The following SPAG9 variants were observed in gnomAD, a reference collection of about 807,000 sequenced individuals.
The protein encoded by SPAG9 is sperm associated antigen 9.
A neutral mutation model predicts 166.5 loss-of-function variants in SPAG9; 35 were observed. The observed-to-expected ratio is 0.21, with a 90% CI of 0.16 to 0.28. The LOEUF (loss-of-function observed/expected upper bound fraction) is 0.28, where lower values mean the gene tolerates loss of function less well. SPAG9 is among the 10% of genes least tolerant of loss of function. The pLI, the probability that SPAG9 is intolerant of heterozygous loss-of-function variation, is 1.00. For missense variants in SPAG9, 1,235 were observed against 1,603.3 expected, an observed-to-expected ratio of 0.77 and a Z score of 3.92; for synonymous variants, 534 against 565.5, an observed-to-expected ratio of 0.94 and a Z score of 0.79.
Position 50,966,072 on chromosome 17 carries a change from T to C in SPAG9, c.*200A>G. ...GTTCATAATATACTGAAGTTACCTA[T>C]AACACTGGTGCAGTAACACAGCTAG... On this transcript the variant is annotated 3_prime_UTR_variant, in exon 30 of 30. Coordinates refer to ENST00000262013, the MANE Select transcript of SPAG9 (RefSeq NM_001130528.3). 1 of 555,186 alleles carries C rather than the reference T, an allele frequency of 1.8e-6. No individual in the cohort carries two copies. Among genetic ancestry groups the C allele is most frequent in the East Asian group, 3.0e-5 (1 of 33,238 alleles). The allele number at this position is 555,186 out of a possible 1,614,324, so 34.4% of individuals were successfully genotyped here. A position where few individuals can be genotyped will look rare whatever the true frequency, so the allele number is the denominator to read the frequency against.
chr17:50,966,474 A>C, intron 29 of SPAG9, 87 bp from the exon 30 acceptor site: 1 of 841,030 alleles, frequency 1.2e-6, no homozygotes, highest in Non-Finnish European at 2.0e-6. Flanking sequence ...TGGTTAGTCC[A>C]TGAACAAGAT....
chr17:51,016,814 T>G (rs992703929), intron 8 of SPAG9, among the ~76,000 whole-genome samples: 1 of 152,142 alleles, frequency 6.6e-6, no homozygotes, highest in African/African-American at 2.4e-5. Flanking sequence ...GGCAGGAGAA[T>G]TGCTTGAACC....
chr17:50,970,791 A>T lies in SPAG9; in HGVS notation c.3766T>A (p.Ser1256Thr). ...TDLTGDKAGPSAQEPGSQTPL... is the reference protein window; with the variant it reads ...TDLTGDKAGPTAQEPGSQTPL... ...GTCTGACTACCAGGCTCCTGTGCAG[A>T]TGGCCCTGCTTTGTCACCCGTCAGA... Residue 1256 changes from serine to threonine, a missense_variant, in exon 29 of 30, where the codon TCT becomes ACT. Transcript: ENST00000262013. 1.2e-6 allele frequency: 2 copies of T among 1,614,084 alleles called. No individual in the cohort carries two copies. Among genetic ancestry groups the T allele is most frequent in the Non-Finnish European group, 1.7e-6 (2 of 1,179,988 alleles).
chr17:51,025,930 C>G (rs1428856321), intron 6 of SPAG9, among the ~76,000 whole-genome samples: 2 of 152,124 alleles, frequency 1.3e-5, no homozygotes, highest in Non-Finnish European at 2.9e-5. Flanking sequence ...AATAAACAGT[C>G]TGTATTTCTG....
At chr17:51,096,138 G>A (rs2048641869) in intron 1 of SPAG9, among the ~76,000 whole-genome samples, 1 of 149,974 alleles carries the variant, frequency 6.7e-6, no homozygotes, top group Admixed American at 6.7e-5. Flanking sequence ...TTGAGGTTAG[G>A]AGTTCGAGAC....
intron 2 of SPAG9, 48 bp downstream of exon 2, chr17:51,079,536 G>A (rs1337853162): frequency 4.4e-6 from 7 of 1,596,012 alleles, no homozygotes; most frequent in Non-Finnish European, 6.0e-6. Flanking sequence ...ACCACGTCTG[G>A]CCAAGCCCAA....
At position 51,047,464 on chromosome 17, in the gene SPAG9, G is replaced by A; in HGVS notation, c.501C>T (p.Ile167=). 6.7e-7 allele frequency: 1 copy of A among 1,490,622 alleles called. No homozygotes were observed. The highest frequency in any genetic ancestry group is 9.1e-7 in the Non-Finnish European group (1 of 1,093,620). The allele number at this position is 1,490,622 out of a possible 1,614,324, so 92.3% of individuals were successfully genotyped here. A position where few individuals can be genotyped will look rare whatever the true frequency, so the allele number is the denominator to read the frequency against. ...TTTCTAAATGTTCCATATAATTATG[G>A]ATCATCTATTTTAAAGAAAGAAAAA... The part of the protein sequence containing the change: ...NALHQRHTEM[I]HNYMEHLERT... Residue 167 remains isoleucine (I), a synonymous_variant, in exon 4 of 30, where the codon ATC becomes ATT. Coordinates refer to ENST00000262013, the MANE Select transcript of SPAG9 (RefSeq NM_001130528.3).
rs2046390060 is a variant in SPAG9 at position 51,031,703 on chromosome 17, G to A, written c.761C>T (p.Pro254Leu). 5 of 1,550,878 alleles carry A rather than the reference G, an allele frequency of 3.2e-6. No homozygotes were observed. Among genetic ancestry groups the A allele is most frequent in the Non-Finnish European group, 4.4e-6 (5 of 1,146,572 alleles). Residue 254 changes from proline to leucine, a missense_variant, in exon 6 of 30, where the codon CCT becomes CTT. Pro to Leu is a moderately conservative substitution (Grantham distance 98). Around this residue, in one of 6 missense-constraint regions of SPAG9, gnomAD observed 288 missense variants for 323.7 expected, o/e 0.89. Transcript: ENST00000262013. ...TSLKVSNSPE[P>L]QKAVEQEDEL... ...CACCTCCTGTTCTACAGCCTTCTGA[G>A]GTTCAGGACTATTGCTGACCTAGGA...
rs1332932396 is a variant in SPAG9 at position 50,996,709 on chromosome 17, G to C, written c.1839-15C>G. On this transcript the variant is annotated splice_polypyrimidine_tract_variant and intron_variant, in intron 15 of 29. Coordinates refer to ENST00000262013, the MANE Select transcript of SPAG9 (RefSeq NM_001130528.3). The stretch of plus-strand genomic sequence containing the variant: ...TAGCTTCAGTTCTAAAAGGAAAAAA[G>C]ATTTTCCTAATTACATGAATACGTT... The C allele has an allele frequency of 6.2e-7, 1 of 1,612,656 alleles. No homozygotes were observed. The highest frequency in any genetic ancestry group is 1.1e-5 in the South Asian group (1 of 90,938).
At chr17:50,968,024 A>G (rs1264155917) in intron 29 of SPAG9, among the ~76,000 whole-genome samples, 1 of 152,314 alleles carries the variant, frequency 6.6e-6, no homozygotes, top group Admixed American at 6.5e-5. Flanking sequence ...TACGGTTCCA[A>G]CTGACATACT....
At chr17:51,063,235 C>T (rs1183383628) in intron 2 of SPAG9, among the ~76,000 whole-genome samples, 1 of 151,584 alleles carries the variant, frequency 6.6e-6, no homozygotes, top group African/African-American at 2.4e-5. Context: ...ATGGCGAAAC[C>T]CCATCTCTAC....
intron 2 of SPAG9, 117 bp downstream of exon 2, chr17:51,079,467 G>A (rs1190115543): frequency 7.8e-6 from 7 of 900,528 alleles, no homozygotes; most frequent in Non-Finnish European, 1.0e-5. Flanking sequence ...TTGAACTCCT[G>A]AACCCAAGTG....
intron 1 of SPAG9, among the ~76,000 whole-genome samples, chr17:51,113,546 T>A (rs1364361714): frequency 6.7e-6 from 1 of 148,520 alleles, no homozygotes; most frequent in African/African-American, 2.5e-5. Flanking sequence ...GAGGTGTGGT[T>A]GTGAGCACCT....
At position 50,970,977 on chromosome 17, in the gene SPAG9, C is replaced by T. The variant is rs777268865; in HGVS notation, c.3701-121G>A. ...GTAAATATATTCTAATAACCAAATACTGGGGAAGCTAGAAGGCTCTGCATG... is the reference window on the plus strand; with the variant it reads ...GTAAATATATTCTAATAACCAAATATTGGGGAAGCTAGAAGGCTCTGCATG... On this transcript the variant is annotated intron_variant, in intron 28 of 29. Coordinates refer to ENST00000262013, the MANE Select transcript of SPAG9 (RefSeq NM_001130528.3). 7.8e-6 allele frequency: 6 copies of T among 769,622 alleles called. No homozygotes were observed. In the African/African-American group the frequency reaches 1.1e-4, roughly 14 times the overall value. 47.7% of individuals were successfully genotyped at this position (769,622 alleles called of 1,614,324 possible). A position where few individuals can be genotyped will look rare whatever the true frequency, so the allele number is the denominator to read the frequency against.
chr17:51,013,681 A>G (rs563719090), intron 9 of SPAG9, among the ~76,000 whole-genome samples: 4 of 152,234 alleles, frequency 2.6e-5, no homozygotes, highest in Non-Finnish European at 4.4e-5. Flanking sequence ...CAAATAGTCT[A>G]AGAGCCAAAT....
intron 6 of SPAG9, among the ~76,000 whole-genome samples, chr17:51,021,610 GA>G: frequency 6.6e-6 from 1 of 151,976 alleles, no homozygotes; most frequent in East Asian, 1.9e-4. Flanking sequence ...GAAAATAAAA[GA>G]ATTATTAGCA....
chr17:51,072,690 T>C (rs973158749), intron 2 of SPAG9, among the ~76,000 whole-genome samples: 3 of 151,552 alleles, frequency 2.0e-5, no homozygotes, highest in Non-Finnish European at 4.4e-5. Context: ...TCTCAAAAAA[T>C]AAAATAAAAT....
At chr17:51,022,289 A>G (rs547090758) in intron 6 of SPAG9, among the ~76,000 whole-genome samples, 4 of 151,972 alleles carry the variant, frequency 2.6e-5, no homozygotes, top group African/African-American at 9.7e-5. Context: ...TCTAAGTCCA[A>G]CTCCAGACTT....
chr17:51,059,471 TAA>T (rs1353186848), intron 2 of SPAG9, among the ~76,000 whole-genome samples: 2 of 151,954 alleles, frequency 1.3e-5, no homozygotes, highest in African/African-American at 4.8e-5. Context: ...ATAGACTGGA[TAA>T]AGAAAATTTG....
Sources: gnomAD v4.1 joint callset for allele counts (sites outside exome capture counted in the v4.1 genomes callset) on GRCh38, gnomAD v4.1.1 for gene constraint, gnomAD v4.1.1 regional missense constraint, MANE v1.5 for transcripts, NCBI Gene and HGNC (gene_info 2026-07-23, HGNC 2026-07-21) for gene names.